IMMP2L: variants seen among roughly 807,000 people sequenced by gnomAD.
IMMP2L encodes the protein mitochondrial inner membrane protease subunit 2.
A neutral mutation model predicts 19.3 loss-of-function variants in IMMP2L; 18 were observed. The ratio of observed to expected loss-of-function variants is 0.93; its 90% CI spans 0.64 to 1.38. The LOEUF (loss-of-function observed/expected upper bound fraction) is 1.38. IMMP2L is among the 40% of genes most tolerant of loss of function. IMMP2L has a pLI of 0.00. For missense variants in IMMP2L, 233 were observed against 218.2 expected, an observed-to-expected ratio of 1.07 and a Z score of -0.43; for synonymous variants, 76 against 73.0, an observed-to-expected ratio of 1.04 and a Z score of -0.21.
intron 3 of IMMP2L, among the ~76,000 whole-genome samples, chr7:111,218,017 CT>C (rs1357150105): frequency 2.0e-5 from 3 of 151,928 alleles, no homozygotes; most frequent in Non-Finnish European, 4.4e-5. Context: ...ATGCTATTGC[CT>C]TTTTGTGCTT....
chr7:111,141,156 G>C (rs1802838365), intron 3 of IMMP2L, among the ~76,000 whole-genome samples: 1 of 152,126 alleles, frequency 6.6e-6, no homozygotes, highest in Non-Finnish European at 1.5e-5. Context: ...AAGCAAAAGA[G>C]AATCAATAAA....
At chr7:111,215,939 TC>T (rs1811880065) in intron 3 of IMMP2L, among the ~76,000 whole-genome samples, 1 of 152,180 alleles carries the variant, frequency 6.6e-6, no homozygotes, top group Non-Finnish European at 1.5e-5. Context: ...TTTAATCATT[TC>T]CTATCTTGAT....
intron 3 of IMMP2L, among the ~76,000 whole-genome samples, chr7:111,478,498 C>T (rs1841909482): frequency 6.6e-6 from 1 of 152,020 alleles, no homozygotes; most frequent in South Asian, 2.1e-4. Flanking sequence ...CTCACATTAT[C>T]CTTCCTCCCA....
chr7:110,954,244 G>A (rs935604799), intron 4 of IMMP2L, among the ~76,000 whole-genome samples: 2 of 152,032 alleles, frequency 1.3e-5, no homozygotes, highest in Non-Finnish European at 2.9e-5. Flanking sequence ...ACACAGCTGG[G>A]CCACTCAGGC....
intron 4 of IMMP2L, among the ~76,000 whole-genome samples, chr7:110,919,302 A>C (rs1364297102): frequency 2.0e-5 from 3 of 152,226 alleles, no homozygotes; most frequent in Non-Finnish European, 2.9e-5. Flanking sequence ...AAGCCATAAG[A>C]GACAGAAACT....
chr7:111,032,563 T>C (rs143454253), intron 3 of IMMP2L, among the ~76,000 whole-genome samples: 34 of 152,292 alleles, frequency 2.2e-4, no homozygotes, highest in African/African-American at 7.2e-4. Flanking sequence ...GGCTTACACC[T>C]GTAATCCCAG....
At chr7:111,132,568 T>C (rs773607435) in intron 3 of IMMP2L, among the ~76,000 whole-genome samples, 5 of 152,050 alleles carry the variant, frequency 3.3e-5, no homozygotes, top group Non-Finnish European at 7.4e-5. Context: ...TCAGATGTCA[T>C]TGTGAGCTGA....
At chr7:110,882,738 A>C (rs553801122) in intron 5 of IMMP2L, among the ~76,000 whole-genome samples, 1 of 151,666 alleles carries the variant, frequency 6.6e-6, no homozygotes, top group African/African-American at 2.4e-5. Flanking sequence ...AACTCCAAGA[A>C]TCTACTGTTT....
intron 3 of IMMP2L, among the ~76,000 whole-genome samples, chr7:111,226,893 C>A (rs1210478768): frequency 6.6e-6 from 1 of 151,744 alleles, no homozygotes; most frequent in Non-Finnish European, 1.5e-5. Flanking sequence ...ATGGAGAGAG[C>A]TACATAGAAA....
intron 3 of IMMP2L, among the ~76,000 whole-genome samples, chr7:111,348,231 T>C (rs1011312176): frequency 1.3e-5 from 2 of 151,896 alleles, no homozygotes; most frequent in African/African-American, 2.4e-5. Context: ...GGCACATGTA[T>C]ACATACGTAA....
chr7:111,469,496 T>C (rs572548743), intron 3 of IMMP2L, among the ~76,000 whole-genome samples: 1 of 152,204 alleles, frequency 6.6e-6, no homozygotes, highest in South Asian at 2.1e-4. Context: ...GATTCCTAGG[T>C]ATTTTATTCT....
intron 3 of IMMP2L, among the ~76,000 whole-genome samples, chr7:111,155,267 G>A (rs1200105461): frequency 6.6e-6 from 1 of 152,056 alleles, no homozygotes. Flanking sequence ...CTTTGGGGCT[G>A]GTAATGCAAG....
chr7:111,206,757 G>A (rs1810755722), intron 3 of IMMP2L, among the ~76,000 whole-genome samples: 1 of 151,982 alleles, frequency 6.6e-6, no homozygotes, highest in Non-Finnish European at 1.5e-5. Flanking sequence ...TCTTTCTTAA[G>A]ATTTTTAAAG....
intron 3 of IMMP2L, among the ~76,000 whole-genome samples, chr7:111,312,112 G>A (rs1351992340): frequency 6.6e-6 from 1 of 152,062 alleles, no homozygotes; most frequent in Non-Finnish European, 1.5e-5. Context: ...AAGGCTTTGG[G>A]ATATTTTCAT....
At chr7:110,823,587 T>G (rs1453449939) in intron 5 of IMMP2L, among the ~76,000 whole-genome samples, 1 of 152,110 alleles carries the variant, frequency 6.6e-6, no homozygotes, top group Admixed American at 6.6e-5. Context: ...TTTGTGGAAC[T>G]GGCAATGGTG....
intron 1 of IMMP2L, among the ~76,000 whole-genome samples, chr7:111,549,531 G>GT (rs1423861209): frequency 6.6e-6 from 1 of 152,124 alleles, no homozygotes; most frequent in East Asian, 1.9e-4. Context: ...TTAACTGAAT[G>GT]TTTAGAGTAT....
At chr7:111,222,558 C>T (rs1812633592) in intron 3 of IMMP2L, among the ~76,000 whole-genome samples, 1 of 151,454 alleles carries the variant, frequency 6.6e-6, no homozygotes, top group East Asian at 1.9e-4. Context: ...AGTCAATATG[C>T]ATATGAAAAG....
chr7:111,205,100 G>T (rs1810554374), intron 3 of IMMP2L, among the ~76,000 whole-genome samples: 1 of 152,124 alleles, frequency 6.6e-6, no homozygotes, highest in African/African-American at 2.4e-5. Context: ...ATTGCAGGAG[G>T]GGCAAAAAGT....
intron 3 of IMMP2L, among the ~76,000 whole-genome samples, chr7:111,017,384 G>A (rs373783264): frequency 2.0e-5 from 3 of 152,012 alleles, no homozygotes; most frequent in South Asian, 2.1e-4. Flanking sequence ...TAACTCCATG[G>A]TCATTACTTA....
Sources: gnomAD v4.1 joint callset for allele counts (sites outside exome capture counted in the v4.1 genomes callset) on GRCh38, gnomAD v4.1.1 for gene constraint, MANE v1.5 for transcripts, NCBI Gene and HGNC (gene_info 2026-07-23, HGNC 2026-07-21) for gene names.